The following NRG3 variants were observed in gnomAD, a reference collection of about 807,000 sequenced individuals.
NRG3 encodes the protein neuregulin 3.
In NRG3, 31 loss-of-function variants were observed where a neutral mutation model predicts 66.9. The observed-to-expected ratio is 0.46, with a 90% CI of 0.35 to 0.63. The LOEUF is 0.63. Ranked by LOEUF, NRG3 falls within the 20% of genes least tolerant of loss-of-function variation. The pLI is 0.00. For missense variants in NRG3, 910 were observed against 878.9 expected (o/e 1.04, Z -0.45); for synonymous variants, 393 against 359.4 (o/e 1.09, Z -1.06).
intron 1 of NRG3, among the ~76,000 whole-genome samples, chr10:82,331,165 A>G (rs1185410653): frequency 6.6e-6 from 1 of 151,944 alleles, no homozygotes; most frequent in Non-Finnish European, 1.5e-5. Flanking sequence ...GGACCTGGTC[A>G]CTCTCTACCC....
At chr10:82,218,422 T>C (rs2075788512) in intron 1 of NRG3, among the ~76,000 whole-genome samples, 1 of 152,198 alleles carries the variant, frequency 6.6e-6, no homozygotes, top group Non-Finnish European at 1.5e-5. Context: ...ATATACTACA[T>C]TGGCAGGGAC....
intron 2 of NRG3, among the ~76,000 whole-genome samples, chr10:82,725,903 C>A (rs1258547093): frequency 2.6e-5 from 4 of 152,102 alleles, no homozygotes; most frequent in African/African-American, 9.7e-5. Context: ...TGCCCCTACA[C>A]TGCTATTCAC....
intron 1 of NRG3, among the ~76,000 whole-genome samples, chr10:82,148,741 T>G (rs2070453665): frequency 6.6e-6 from 1 of 151,536 alleles, no homozygotes; most frequent in Admixed American, 6.6e-5. Flanking sequence ...CTAGGAAATG[T>G]CTTCTCTTCA....
chr10:82,532,620 T>G (rs536555972), intron 2 of NRG3, among the ~76,000 whole-genome samples: 8 of 148,816 alleles, frequency 5.4e-5, no homozygotes, highest in Admixed American at 4.1e-4. Flanking sequence ...TAGTACTATA[T>G]AGAGAGAGTA....
chr10:82,173,594 G>T lies in NRG3; in HGVS notation c.824-185145G>T, dbSNP rs1032534896. Reference sequence around the variant, plus strand: ...GGGATTGACAATTACAGGTGAGCAAGCAAGATGAGGGCTAATGTCCATAGG... The same window carrying T: ...GGGATTGACAATTACAGGTGAGCAATCAAGATGAGGGCTAATGTCCATAGG... On this transcript the variant is annotated intron_variant, in intron 1 of 8. Transcript: ENST00000372141. Among the ~76,000 whole-genome samples the T allele has an allele frequency of 2.0e-5, 3 of 151,688 alleles. No individual in the cohort carries two copies. The East Asian group carries it at 5.8e-4, about 29-fold the overall frequency.
chr10:82,492,297 A>C (rs1171916796), intron 2 of NRG3, among the ~76,000 whole-genome samples: 2 of 152,222 alleles, frequency 1.3e-5, no homozygotes, highest in Non-Finnish European at 2.9e-5. Flanking sequence ...TGTTAATTTA[A>C]TTTTCTGCTA....
chr10:82,514,483 T>C lies in NRG3; in HGVS notation c.953+155615T>C, dbSNP rs534177881. ...TTGTTTTCATCAGGTTTGTCAAAGA[T>C]CAAATCGTTGTAGATGTGCGGTCTT... On this transcript the variant is annotated intron_variant, in intron 2 of 8. Coordinates refer to ENST00000372141, the MANE Select transcript of NRG3 (RefSeq NM_001010848.4). Among the ~76,000 whole-genome samples, 4 of 152,312 alleles carry C rather than the reference T, an allele frequency of 2.6e-5. No individual in the cohort carries two copies. In the South Asian group the frequency reaches 8.3e-4, roughly 32 times the overall value.
intron 1 of NRG3, among the ~76,000 whole-genome samples, chr10:82,056,900 A>T (rs947980814): frequency 6.6e-6 from 1 of 152,054 alleles, no homozygotes; most frequent in African/African-American, 2.4e-5. Context: ...CTGTTTTTTA[A>T]AACTTCTATT....
intron 1 of NRG3, among the ~76,000 whole-genome samples, chr10:82,179,528 G>C (rs1295602589): frequency 1.3e-5 from 2 of 151,774 alleles, no homozygotes; most frequent in African/African-American, 2.4e-5. Flanking sequence ...TATGTTCTTG[G>C]CATCCTTGTC....
chr10:82,713,929 T>C lies in NRG3; in HGVS notation c.954-24648T>C, dbSNP rs2056825072. Among the ~76,000 whole-genome samples, 2 of 152,136 alleles carry C rather than the reference T, an allele frequency of 1.3e-5. 1 individual carries two copies. The highest frequency in any genetic ancestry group is 4.1e-4 in the South Asian group (2 of 4,834). On this transcript the variant is annotated intron_variant, in intron 2 of 8. Transcript: ENST00000372141. ...CTCTCATCATTTTTTCCTGAAGATG[T>C]GGATGGATGCCCTGCTGTCCCAGAG...
At chr10:81,911,609 T>G (rs1160118473) in intron 1 of NRG3, among the ~76,000 whole-genome samples, 2 of 138,254 alleles carry the variant, frequency 1.4e-5, no homozygotes, top group Non-Finnish European at 3.1e-5. Flanking sequence ...ACTTGTTTTT[T>G]TTTTTTTTTT....
chr10:81,964,269 CTT>C (rs1161352083), intron 1 of NRG3, among the ~76,000 whole-genome samples: 1 of 151,516 alleles, frequency 6.6e-6, no homozygotes, highest in Admixed American at 6.6e-5. Context: ...TGTAGAATAA[CTT>C]TATTCTTTTT....
intron 1 of NRG3, among the ~76,000 whole-genome samples, chr10:81,912,280 G>A (rs1845243198): frequency 6.6e-6 from 1 of 152,102 alleles, no homozygotes. Context: ...GGAGTTCAGG[G>A]GTGCAGTCAT....
intron 1 of NRG3, among the ~76,000 whole-genome samples, chr10:82,039,810 T>C (rs921963519): frequency 6.6e-6 from 1 of 152,122 alleles, no homozygotes; most frequent in Non-Finnish European, 1.5e-5. Context: ...TTCTCTCTTC[T>C]TTTCACATGG....
intron 1 of NRG3, among the ~76,000 whole-genome samples, chr10:82,038,064 G>A (rs1428514448): frequency 6.6e-6 from 1 of 151,990 alleles, no homozygotes; most frequent in African/African-American, 2.4e-5. Flanking sequence ...TCTACACCCA[G>A]TAAAAATCTT....
chr10:82,841,504 A>G (rs937632186), intron 3 of NRG3, among the ~76,000 whole-genome samples: 3 of 152,218 alleles, frequency 2.0e-5, no homozygotes, highest in African/African-American at 7.2e-5. Context: ...GTTGGCTTAC[A>G]TGATTATGGG....
chr10:82,510,355 T>A (rs1469748866), intron 2 of NRG3, among the ~76,000 whole-genome samples: 2 of 152,020 alleles, frequency 1.3e-5, no homozygotes, highest in Non-Finnish European at 2.9e-5. Context: ...TGCTGACAGG[T>A]CATAAGCGCA....
At chr10:82,876,465 T>G (rs1373622133) in intron 4 of NRG3, among the ~76,000 whole-genome samples, 2 of 151,898 alleles carry the variant, frequency 1.3e-5, no homozygotes, top group Non-Finnish European at 2.9e-5. Flanking sequence ...GGGTATAGCT[T>G]GAACATTTAC....
At chr10:81,981,949 A>G (rs1252077928) in intron 1 of NRG3, among the ~76,000 whole-genome samples, 2 of 152,072 alleles carry the variant, frequency 1.3e-5, no homozygotes, top group African/African-American at 4.8e-5. Context: ...CACATCCATA[A>G]TTTCTTTATG....
Sources: allele counts gnomAD v4.1 joint callset (sites outside exome capture counted in the v4.1 genomes callset), GRCh38; gene constraint gnomAD v4.1.1; transcripts MANE v1.5; gene names NCBI Gene and HGNC (gene_info 2026-07-23, HGNC 2026-07-21).